HECTD4: variants seen among roughly 807,000 people sequenced by gnomAD.
HECTD4 encodes the protein HECT domain E3 ubiquitin protein ligase 4.
A neutral mutation model predicts 471.5 loss-of-function variants in HECTD4; 114 were observed. That is an observed-to-expected ratio of 0.24 (90% confidence interval 0.21 to 0.28). The LOEUF is 0.28. Among genes scored for constraint, HECTD4 ranks in the 10% least tolerant of loss-of-function variants. The pLI is 1.00. For synonymous variants in HECTD4, 2,012 were observed against 2,256.0 expected (o/e 0.89, Z 3.07); for missense variants, 3,866 against 5,651.5 (o/e 0.68, Z 10.13).
At chr12:112,308,486 A>T (rs1349774257) in intron 6 of HECTD4, among the ~76,000 whole-genome samples, 1 of 151,748 alleles carries the variant, frequency 6.6e-6, no homozygotes, top group African/African-American at 2.4e-5. Context: ...TAGTATTTAT[A>T]CCATCTTTGA....
At chr12:112,250,452 T>C (rs1435652731) in intron 24 of HECTD4, 75 bp from the exon 25 acceptor site, 22 of 1,012,444 alleles carry the variant, frequency 2.2e-5, no homozygotes, top group Non-Finnish European at 2.9e-5. Context: ...TGTTTGCAGA[T>C]ACATCAAACA....
intron 2 of HECTD4, 57 bp from the exon 3 acceptor site, chr12:112,314,603 G>C: frequency 1.0e-6 from 1 of 962,162 alleles, no homozygotes; most frequent in Non-Finnish European, 1.6e-6. Context: ...AATAATTTAG[G>C]TCATTAATGC....
intron 1 of HECTD4, among the ~76,000 whole-genome samples, chr12:112,367,417 C>T (rs1161825562): frequency 1.3e-5 from 2 of 151,992 alleles, no homozygotes; most frequent in Admixed American, 6.6e-5. Flanking sequence ...CTTTCCCATC[C>T]AAGGTCACAG....
chr12:112,198,861 C>A (rs1458190748), intron 55 of HECTD4, among the ~76,000 whole-genome samples: 1 of 152,100 alleles, frequency 6.6e-6, no homozygotes, highest in African/African-American at 2.4e-5. Flanking sequence ...TCACAAGGCA[C>A]TGCTTATGAT....
intron 8 of HECTD4, among the ~76,000 whole-genome samples, chr12:112,281,138 T>G (rs1204687127): frequency 6.6e-6 from 1 of 152,178 alleles, no homozygotes; most frequent in Non-Finnish European, 1.5e-5. Context: ...GAAAAGTTTC[T>G]TAGTTTATAA....
At chr12:112,263,864 G>T (rs1039455091) in intron 17 of HECTD4, among the ~76,000 whole-genome samples, 10 of 152,032 alleles carry the variant, frequency 6.6e-5, no homozygotes, top group Non-Finnish European at 1.0e-4. Flanking sequence ...GGCACAAAAA[G>T]GTTGACAGGA....
In HECTD4 at chr12:112,235,820, A is replaced by G. The variant is rs780219759; in HGVS notation, c.5445-36T>C. 3 of 1,560,212 alleles carry G rather than the reference A, an allele frequency of 1.9e-6. No individual in the cohort carries two copies. The Admixed American group carries it at 5.7e-5, about 30-fold the overall frequency. On this transcript the variant is annotated intron_variant, in intron 35 of 75. Coordinates refer to ENST00000682272, the MANE Select transcript of HECTD4 (RefSeq NM_001388303.1). This position sits in a 1 kb window ranked among gnomAD's most constrained non-coding sequence, Gnocchi z 5.0. ...AGGAAGAAAAGGTACACAGTGCTAG[A>G]AATGTTGATCTATAGACATTCAGAA...
chr12:112,301,663 G>A (rs1197133659), intron 7 of HECTD4, among the ~76,000 whole-genome samples: 1 of 152,012 alleles, frequency 6.6e-6, no homozygotes, highest in Non-Finnish European at 1.5e-5. Flanking sequence ...GATAATCATA[G>A]TTTTAATTTT....
intron 38 of HECTD4, 128 bp from the exon 39 acceptor site, chr12:112,231,843 T>C: frequency 1.3e-6 from 1 of 770,518 alleles, no homozygotes; most frequent in African/African-American, 1.8e-5. Flanking sequence ...ACATAAAATA[T>C]TATATGTAGA....
At chr12:112,324,441 A>G (rs772818791) in intron 1 of HECTD4, among the ~76,000 whole-genome samples, 3 of 152,062 alleles carry the variant, frequency 2.0e-5, no homozygotes, top group Non-Finnish European at 4.4e-5. Flanking sequence ...TTTTAATACA[A>G]CCACATCAAA....
chr12:112,265,330 T>C, intron 15 of HECTD4, 35 bp from the exon 16 acceptor site: 2 of 1,370,528 alleles, frequency 1.5e-6, no homozygotes. Context: ...CAATAAAATA[T>C]TGATGGTTTA....
intron 9 of HECTD4, among the ~76,000 whole-genome samples, chr12:112,276,306 A>C (rs1054964651): frequency 2.6e-5 from 4 of 152,286 alleles, no homozygotes; most frequent in African/African-American, 9.6e-5. Context: ...GTCAATTTCA[A>C]CTGAGCAAAA....
rs367565966 is a variant in HECTD4, at chr12:112,185,485, A to G, written c.9481T>C (p.Leu3161=). ...CAGGCTGCCATGTCCGTGGTCCACA[A>G]GAAGTTTCCTGAGGCAAATGAAAAT... ...LQVVELLGNF[L]WTTDMAACVK... Residue 3161 remains leucine, a synonymous_variant, in exon 61 of 76, where the codon TTG becomes CTG. Coordinates refer to ENST00000682272, the MANE Select transcript of HECTD4 (RefSeq NM_001388303.1). 2 of 1,545,852 alleles carry G rather than the reference A, an allele frequency of 1.3e-6. No homozygotes were observed. The highest frequency in any genetic ancestry group is 2.5e-5 in the South Asian group (2 of 81,260).
In HECTD4 at chr12:112,193,582, G is replaced by T; in HGVS notation, c.8842C>A (p.Gln2948Lys). ...QNCSATDLFY[Q>K]GNSQTVREWL... ...TCTCTCACTGTCTGGGAGTTGCCCT[G>T]GTAAAAGAGGTCCGTGGCGGAGCAG... is the stretch of plus-strand genomic sequence containing the variant. Residue 2948 changes from glutamine (Q) to lysine (K), a missense_variant, in exon 57 of 76, where the codon CAG becomes AAG. This residue lies in a region of HECTD4 where 364 missense variants were observed against 413.2 expected (regional missense o/e 0.88). Coordinates refer to ENST00000682272, the MANE Select transcript of HECTD4 (RefSeq NM_001388303.1). The surrounding 1 kb of genome is among the most constrained non-coding windows in gnomAD (Gnocchi z 5.2). 1 of 1,613,110 alleles carries T rather than the reference G, an allele frequency of 6.2e-7. No homozygotes were observed. Among genetic ancestry groups the T allele is most frequent in the Non-Finnish European group, 8.5e-7 (1 of 1,179,612 alleles).
chr12:112,200,144 C>G (rs2032374513), intron 55 of HECTD4, among the ~76,000 whole-genome samples: 1 of 150,292 alleles, frequency 6.7e-6, no homozygotes, highest in African/African-American at 2.5e-5. Context: ...TCAGATGATT[C>G]TAGATCCCCC....
intron 7 of HECTD4, among the ~76,000 whole-genome samples, chr12:112,293,600 G>A (rs2034945431): frequency 6.6e-6 from 1 of 152,082 alleles, no homozygotes; most frequent in African/African-American, 2.4e-5. Flanking sequence ...TTCAATAATA[G>A]AGCAAGGTAC....
intron 66 of HECTD4, 71 bp from the exon 67 acceptor site, chr12:112,172,932 T>C: frequency 1.5e-6 from 2 of 1,350,380 alleles, no homozygotes; most frequent in Non-Finnish European, 2.1e-6. Context: ...GCATTTCTCT[T>C]ACAGAGCCCT....
At position 112,258,569 on chromosome 12, in the gene HECTD4, G is replaced by A; in HGVS notation, c.3055C>T (p.Pro1019Ser). ...GAACAGCCCACCTCAGCAAAAACCG[G>A]ACACTGGGTTTTAAGCAGCAACGCC... ...QTALLLKTQC[P>S]VFAEVGCSPC... is the part of the protein sequence containing the mutation. The change falls in exon 20 of 76, where the codon CCG becomes TCG. Residue 1019 changes from proline to serine, a missense_variant. Coordinates refer to ENST00000682272, the MANE Select transcript of HECTD4 (RefSeq NM_001388303.1). The A allele has an allele frequency of 6.2e-7, 1 of 1,606,008 alleles. No individual in the cohort carries two copies. The highest frequency in any genetic ancestry group is 1.1e-5 in the South Asian group (1 of 89,902).
chr12:112,323,641 G>A (rs995777874), intron 1 of HECTD4, among the ~76,000 whole-genome samples: 4 of 151,886 alleles, frequency 2.6e-5, no homozygotes, highest in East Asian at 1.9e-4. Context: ...AATGGTTACC[G>A]GGGTTTAGGG....
Sources: allele counts gnomAD v4.1 joint callset (sites outside exome capture counted in the v4.1 genomes callset), GRCh38; gene constraint gnomAD v4.1.1; regional missense constraint gnomAD v4.1.1; non-coding constraint Gnocchi (gnomAD v3.1); transcripts MANE v1.5; gene names NCBI Gene and HGNC (gene_info 2026-07-23, HGNC 2026-07-21).